The following ATXN1 variants were observed in gnomAD, a reference collection of about 807,000 sequenced individuals.
ATXN1 encodes the protein ataxin 1.
ATXN1 carries 8 observed loss-of-function variants against 56.4 expected under a neutral mutation model. The ratio of observed to expected loss-of-function variants is 0.14; its 90% CI spans 0.08 to 0.26. The LOEUF (loss-of-function observed/expected upper bound fraction) is 0.26, where lower values mean the gene tolerates loss of function less well. Ranked by LOEUF, ATXN1 falls within the 10% of genes least tolerant of loss-of-function variation. ATXN1 has a pLI of 1.00. For synonymous variants in ATXN1, 514 were observed against 494.6 expected (o/e 1.04, Z -0.52); for missense variants, 987 against 1,106.5 (o/e 0.89, Z 1.53).
At chr6:16,683,338 T>C (rs1448276781) in intron 2 of ATXN1, among the ~76,000 whole-genome samples, 1 of 152,190 alleles carries the variant, frequency 6.6e-6, no homozygotes, top group Admixed American at 6.5e-5. Flanking sequence ...AGCTTCTCCA[T>C]GGACAGTGTT....
chr6:16,743,868 G>C (rs17671883), intron 2 of ATXN1, among the ~76,000 whole-genome samples: 6,264 of 152,206 alleles, frequency 0.041, 235 homozygotes, highest in Admixed American at 0.1. Flanking sequence ...CGATGGGACC[G>C]ACGTGGGACG....
At chr6:16,486,687 G>A (rs993140454) in intron 5 of ATXN1, among the ~76,000 whole-genome samples, 6 of 152,112 alleles carry the variant, frequency 3.9e-5, no homozygotes, top group Non-Finnish European at 7.4e-5. Flanking sequence ...GAACAGAAAC[G>A]AAGAATCTGG....
chr6:16,341,165 T>C (rs1160646969), intron 6 of ATXN1, among the ~76,000 whole-genome samples: 3 of 152,210 alleles, frequency 2.0e-5, no homozygotes, highest in Non-Finnish European at 4.4e-5. Flanking sequence ...TTTGGGGACA[T>C]ATTTCCTCCA....
At chr6:16,521,290 G>A (rs909676171) in intron 5 of ATXN1, among the ~76,000 whole-genome samples, 69 of 152,310 alleles carry the variant, frequency 4.5e-4, no homozygotes, top group African/African-American at 1.6e-3. Flanking sequence ...GGGGCCGGGC[G>A]CGGTGGCTCA....
chr6:16,683,190 G>T (rs1183886433), intron 2 of ATXN1, among the ~76,000 whole-genome samples: 2 of 152,080 alleles, frequency 1.3e-5, no homozygotes, highest in African/African-American at 2.4e-5. Flanking sequence ...TGTGTTTAGG[G>T]TTCAAATCTA....
At chr6:16,407,330 C>A (rs185541394) in intron 6 of ATXN1, among the ~76,000 whole-genome samples, 5 of 152,152 alleles carry the variant, frequency 3.3e-5, no homozygotes, top group African/African-American at 1.2e-4. Context: ...ATAATATGGT[C>A]GGAATGAATG....
intron 1 of ATXN1, among the ~76,000 whole-genome samples, chr6:16,758,455 C>T (rs915970049): frequency 6.6e-6 from 1 of 152,252 alleles, no homozygotes; most frequent in Non-Finnish European, 1.5e-5. Flanking sequence ...GATGCATTTA[C>T]ATACTGCACC....
chr6:16,642,870 A>G (rs933542238), intron 3 of ATXN1, among the ~76,000 whole-genome samples: 1 of 152,270 alleles, frequency 6.6e-6, no homozygotes, highest in Non-Finnish European at 1.5e-5. Flanking sequence ...AATAGACTAT[A>G]GTATGGTGTA....
intron 5 of ATXN1, among the ~76,000 whole-genome samples, chr6:16,521,872 A>G (rs1008957894): frequency 3.9e-5 from 6 of 152,198 alleles, no homozygotes; most frequent in African/African-American, 1.4e-4. Context: ...TTCTGGGTGC[A>G]CTCACTCTGC....
intron 3 of ATXN1, among the ~76,000 whole-genome samples, chr6:16,645,432 C>T (rs1203072962): frequency 6.6e-6 from 1 of 152,162 alleles, no homozygotes; most frequent in Non-Finnish European, 1.5e-5. Flanking sequence ...GTGGGGCTTT[C>T]GTTTCCTTAA....
intron 2 of ATXN1, among the ~76,000 whole-genome samples, chr6:16,694,249 TTTC>T (rs1759110308): frequency 6.8e-6 from 1 of 147,140 alleles, no homozygotes; most frequent in Non-Finnish European, 1.5e-5. Flanking sequence ...CTTTTTTTTT[TTTC>T]TTTTTTTTTT....
intron 3 of ATXN1, among the ~76,000 whole-genome samples, chr6:16,651,358 C>T (rs1039675540): frequency 6.6e-6 from 1 of 152,152 alleles, no homozygotes; most frequent in Non-Finnish European, 1.5e-5. Context: ...ACCTGACCAA[C>T]ATGGTGAAAC....
intron 5 of ATXN1, among the ~76,000 whole-genome samples, chr6:16,489,490 G>T (rs73724880): frequency 6.6e-6 from 1 of 152,116 alleles, no homozygotes; most frequent in African/African-American, 2.4e-5. Context: ...TTGAACAGTT[G>T]TCATCTCCTT....
chr6:16,711,612 A>G (rs921165673), intron 2 of ATXN1, among the ~76,000 whole-genome samples: 1 of 150,776 alleles, frequency 6.6e-6, no homozygotes, highest in Non-Finnish European at 1.5e-5. Flanking sequence ...ATCTATATCT[A>G]TATAGATATA....
intron 2 of ATXN1, among the ~76,000 whole-genome samples, chr6:16,731,459 T>C (rs1554129127): frequency 0.23 from 21,148 of 93,746 alleles, 1,253 homozygotes; most frequent in Non-Finnish European, 0.27. Context: ...CTTTTCTTTT[T>C]TTTTTTTTTT....
At chr6:16,422,727 C>T (rs1379508626) in intron 6 of ATXN1, among the ~76,000 whole-genome samples, 1 of 152,196 alleles carries the variant, frequency 6.6e-6, no homozygotes, top group African/African-American at 2.4e-5. Flanking sequence ...CCCTTCACAA[C>T]AGCCTCCTCA....
chr6:16,648,301 A>G (rs1464480626), intron 3 of ATXN1, among the ~76,000 whole-genome samples: 1 of 152,214 alleles, frequency 6.6e-6, no homozygotes, highest in African/African-American at 2.4e-5. Flanking sequence ...CAGTCTGCAG[A>G]GGGCAGTTCA....
chr6:16,649,121 T>G (rs149079473), intron 3 of ATXN1, among the ~76,000 whole-genome samples: 1 of 152,256 alleles, frequency 6.6e-6, no homozygotes, highest in Admixed American at 6.5e-5. Flanking sequence ...GATTTTCTTT[T>G]TAGTGGTGTT....
intron 3 of ATXN1, among the ~76,000 whole-genome samples, chr6:16,650,936 A>C: frequency 6.6e-6 from 1 of 152,240 alleles, no homozygotes; most frequent in East Asian, 1.9e-4. Context: ...CTGATTTGCA[A>C]ATAGTTCTTT....
Sources: gnomAD v4.1 joint callset for allele counts (sites outside exome capture counted in the v4.1 genomes callset) on GRCh38, gnomAD v4.1.1 for gene constraint, MANE v1.5 for transcripts, NCBI Gene and HGNC (gene_info 2026-07-23, HGNC 2026-07-21) for gene names.